The following TMEM132D variants were observed in gnomAD, a reference collection of about 807,000 sequenced individuals.
The protein encoded by TMEM132D is mature OL transmembrane protein.
A neutral mutation model predicts 62.3 loss-of-function variants in TMEM132D; 21 were observed. That is an observed-to-expected ratio of 0.34 (90% CI 0.24 to 0.49). The LOEUF is 0.49. Among genes scored for constraint, TMEM132D ranks in the 20% least tolerant of loss-of-function variants. The pLI is 0.99. For missense variants in TMEM132D, 1,346 were observed against 1,402.8 expected, an observed-to-expected ratio of 0.96 and a Z score of 0.65; for synonymous variants, 621 against 575.6, an observed-to-expected ratio of 1.08 and a Z score of -1.13.
At chr12:129,222,157 C>A (rs375494197) in intron 4 of TMEM132D, among the ~76,000 whole-genome samples, 2 of 152,270 alleles carry the variant, frequency 1.3e-5, no homozygotes, top group African/African-American at 4.8e-5. Flanking sequence ...TTTGGGGAGG[C>A]AGCAAGATTT....
At chr12:129,837,116 G>A (rs889726020) in intron 1 of TMEM132D, among the ~76,000 whole-genome samples, 1 of 152,158 alleles carries the variant, frequency 6.6e-6, no homozygotes, top group Non-Finnish European at 1.5e-5. Context: ...TTAAAGGAAT[G>A]TATTCCAGAA....
At chr12:129,193,680 T>C (rs183790534) in intron 5 of TMEM132D, among the ~76,000 whole-genome samples, 17 of 152,390 alleles carry the variant, frequency 1.1e-4, no homozygotes, top group African/African-American at 4.1e-4. Flanking sequence ...CATCAATTTT[T>C]AATACAAAGA....
chr12:129,496,681 T>A (rs1372780656), intron 3 of TMEM132D, among the ~76,000 whole-genome samples: 1 of 144,852 alleles, frequency 6.9e-6, no homozygotes, highest in Non-Finnish European at 1.5e-5. Flanking sequence ...AAAAAAAAAA[T>A]GCAAGCAATG....
At chr12:129,472,942 G>A (rs894380038) in intron 3 of TMEM132D, among the ~76,000 whole-genome samples, 5 of 151,760 alleles carry the variant, frequency 3.3e-5, no homozygotes, top group African/African-American at 1.2e-4. Context: ...TCGGCTCACT[G>A]CAACCTCCTC....
chr12:129,713,235 A>C (rs1207889760), intron 1 of TMEM132D, among the ~76,000 whole-genome samples: 4 of 152,146 alleles, frequency 2.6e-5, no homozygotes, highest in African/African-American at 9.7e-5. Flanking sequence ...ATATCCCAAG[A>C]GTCTGATATG....
rs563577611 is a variant in TMEM132D, at chr12:129,496,596, T to G, written c.1115+34463A>C. Among the ~76,000 whole-genome samples, 11 of 152,072 alleles carry G rather than the reference T, an allele frequency of 7.2e-5. No homozygotes were observed. The East Asian group carries it at 1.9e-3, about 27-fold the overall frequency. On this transcript the variant is annotated intron_variant, in intron 3 of 8. Transcript: ENST00000422113. ...AATAGGCAAGTGGACACAAGAAATA[T>G]TCACATGGGAGGAAAGAGAAATATA...
chr12:129,608,092 C>T (rs11060462), intron 2 of TMEM132D, among the ~76,000 whole-genome samples: 10 of 152,144 alleles, frequency 6.6e-5, no homozygotes, highest in Admixed American at 3.9e-4. Flanking sequence ...CCCACAAACC[C>T]CTGGCTTTTA....
Position 129,265,724 on chromosome 12 carries a change from G to A in TMEM132D, c.1300-56061C>T, listed in dbSNP as rs1880672848. On this transcript the variant is annotated intron_variant, in intron 4 of 8. Coordinates refer to ENST00000422113, the MANE Select transcript of TMEM132D (RefSeq NM_133448.3). The stretch of plus-strand genomic sequence containing the variant: ...TTTGCGGTTGCTACACTTTCTGCTT[G>A]TAGTGCTCTTTCCCCAGAAATCCAC... Among the ~76,000 whole-genome samples, 2 of 151,904 alleles carry A rather than the reference G, an allele frequency of 1.3e-5. 1 individual carries two copies. The highest frequency in any genetic ancestry group is 4.2e-4 in the South Asian group (2 of 4,812).
At chr12:129,565,598 G>C (rs1877347575) in intron 2 of TMEM132D, among the ~76,000 whole-genome samples, 1 of 152,172 alleles carries the variant, frequency 6.6e-6, no homozygotes, top group Admixed American at 6.5e-5. Flanking sequence ...TCATTCAATG[G>C]GTTGGGTGGC....
At chr12:129,285,396 G>A (rs1006730681) in intron 4 of TMEM132D, among the ~76,000 whole-genome samples, 2 of 151,704 alleles carry the variant, frequency 1.3e-5, no homozygotes, top group African/African-American at 4.8e-5. Flanking sequence ...GCATGGTGGT[G>A]CATGCCTGTA....
chr12:129,825,926 T>C (rs1872650842), intron 1 of TMEM132D, among the ~76,000 whole-genome samples: 1 of 152,054 alleles, frequency 6.6e-6, no homozygotes, highest in Non-Finnish European at 1.5e-5. Flanking sequence ...TTAGCTGGCA[T>C]GGTGGCGCAT....
chr12:129,693,772 T>C (rs1390211687), intron 2 of TMEM132D, among the ~76,000 whole-genome samples: 1 of 152,202 alleles, frequency 6.6e-6, no homozygotes, highest in Non-Finnish European at 1.5e-5. Flanking sequence ...GACTCTTTGC[T>C]TATTATAATA....
intron 2 of TMEM132D, among the ~76,000 whole-genome samples, chr12:129,678,404 ATGCAGTACATT>A (rs1880692867): frequency 6.6e-6 from 1 of 152,184 alleles, no homozygotes; most frequent in African/African-American, 2.4e-5. Context: ...TACGAATGGG[ATGCAGTACATT>A]TTTATATAGT....
At chr12:129,252,752 A>G (rs950192069) in intron 4 of TMEM132D, among the ~76,000 whole-genome samples, 1 of 152,140 alleles carries the variant, frequency 6.6e-6, no homozygotes, top group Non-Finnish European at 1.5e-5. Context: ...GTATGTTTAT[A>G]GCGGCACTAT....
intron 5 of TMEM132D, among the ~76,000 whole-genome samples, chr12:129,160,181 A>G (rs4246273): frequency 0.61 from 93,017 of 152,038 alleles, 28,932 homozygotes; most frequent in Non-Finnish European, 0.67. Flanking sequence ...GGTCATATGG[A>G]CACTTGTTTT....
chr12:129,073,782 C>A lies in TMEM132D; in HGVS notation c.*93G>T. On this transcript the variant is annotated 3_prime_UTR_variant, in exon 9 of 9. Transcript: ENST00000422113. ...ATAGTGTCATCCTTATTTTGTCCTGCTGCTTTGTTTCTCTTCCGGGGGCAC... is the reference window on the plus strand; with the variant it reads ...ATAGTGTCATCCTTATTTTGTCCTGATGCTTTGTTTCTCTTCCGGGGGCAC... 2 of 1,185,022 alleles carry A rather than the reference C, an allele frequency of 1.7e-6. No individual in the cohort carries two copies. The highest frequency in any genetic ancestry group is 2.4e-6 in the Non-Finnish European group (2 of 838,188). 73.4% of individuals were successfully genotyped at this position (1,185,022 alleles called of 1,614,324 possible).
At chr12:129,799,780 G>A (rs1173550454) in intron 1 of TMEM132D, among the ~76,000 whole-genome samples, 1 of 152,156 alleles carries the variant, frequency 6.6e-6, no homozygotes, top group South Asian at 2.1e-4. Flanking sequence ...GAAGGGCGGA[G>A]GGAGACTCCT....
chr12:129,598,796 C>T (rs1338598902), intron 2 of TMEM132D, among the ~76,000 whole-genome samples: 1 of 152,138 alleles, frequency 6.6e-6, no homozygotes. Context: ...AATTCATTCC[C>T]TCTTTCTCTG....
At chr12:129,672,249 G>A (rs1880516962) in intron 2 of TMEM132D, among the ~76,000 whole-genome samples, 1 of 152,176 alleles carries the variant, frequency 6.6e-6, no homozygotes, top group African/African-American at 2.4e-5. Flanking sequence ...CCAGCCAAGG[G>A]CATTTGGGCA....
Sources: gnomAD v4.1 joint callset for allele counts (sites outside exome capture counted in the v4.1 genomes callset) on GRCh38, gnomAD v4.1.1 for gene constraint, MANE v1.5 for transcripts, NCBI Gene and HGNC (gene_info 2026-07-23, HGNC 2026-07-21) for gene names.